Variants in FLNB observed in about 807,000 individuals in gnomAD.
FLNB encodes the protein filamin-B.
FLNB carries 111 observed loss-of-function variants against 250.6 expected under a neutral mutation model. That is an observed-to-expected ratio of 0.44 (90% CI 0.38 to 0.52). The LOEUF (loss-of-function observed/expected upper bound fraction) is 0.52, where lower values mean the gene tolerates loss of function less well. Among genes scored for constraint, FLNB ranks in the 20% least tolerant of loss-of-function variants. FLNB has a pLI of 0.00. For missense variants in FLNB, 2,869 were observed against 3,447.8 expected, an observed-to-expected ratio of 0.83 and a Z score of 4.20; for synonymous variants, 1,302 against 1,372.1, an observed-to-expected ratio of 0.95 and a Z score of 1.13.
chr3:58,079,743 C>G (rs1403966655), intron 3 of FLNB, among the ~76,000 whole-genome samples: 1 of 152,130 alleles, frequency 6.6e-6, no homozygotes, highest in Non-Finnish European at 1.5e-5. Context: ...GGAGGAAAAC[C>G]AGTGTTTTCT....
At position 58,169,109 on chromosome 3, in the gene FLNB, C is replaced by A; in HGVS notation, c.7417+451C>A. 3.6e-6 allele frequency: 1 copy of A among 275,242 alleles called. No individual in the cohort carries two copies. The highest frequency in any genetic ancestry group is 2.2e-5 in the African/African-American group (1 of 45,566). The allele number at this position is 275,242 out of a possible 1,614,324, so 17.0% of individuals were successfully genotyped here. On this transcript the variant is annotated intron_variant, in intron 44 of 45. Transcript: ENST00000295956. The surrounding 1 kb of genome is among the most constrained non-coding windows in gnomAD (Gnocchi z 4.8). ...ACCACCATAAACACTGTAGTAAATC[C>A]CTTCCACACGTCATGATTCACTGTT...
At position 58,109,176 on chromosome 3, in the gene FLNB, C is replaced by A. The variant is rs1203592358; in HGVS notation, c.2056-3C>A. 6.2e-7 allele frequency: 1 copy of A among 1,614,014 alleles called. No individual in the cohort carries two copies. Among genetic ancestry groups the A allele is most frequent in the African/African-American group, 1.3e-5 (1 of 74,920 alleles). ...TCTGGTCCTAGCTCTGGCTTTTTTG[C>A]AGGATGGGGAAGGCCAACGCATTGA... On this transcript the variant is annotated splice_region_variant and splice_polypyrimidine_tract_variant and intron_variant, in intron 13 of 45. Transcript: ENST00000295956.
chr3:58,032,682 A>G (rs1476595905), intron 1 of FLNB, among the ~76,000 whole-genome samples: 1 of 152,182 alleles, frequency 6.6e-6, no homozygotes, highest in Non-Finnish European at 1.5e-5. Context: ...AAGCAGGTCC[A>G]TTTTGTGGTT....
chr3:58,098,907 A>G lies in FLNB; in HGVS notation c.1344A>G (p.Glu448=). The change falls in exon 8 of 46, where the codon GAA becomes GAG. Residue 448 remains glutamate, a splice_region_variant and synonymous_variant. Transcript: ENST00000295956. The part of the protein sequence containing the change: ...PKSPFVVQVG[E]ACNPNACRAS... ...GTCCCTTCGTTGTGCAGGTTGGGGA[A>G]GGTGAGTGCTGGGCTGCTGGCCACA... 1 of 1,613,624 alleles carries G rather than the reference A, an allele frequency of 6.2e-7. No individual in the cohort carries two copies. Among genetic ancestry groups the G allele is most frequent in the Non-Finnish European group, 8.5e-7 (1 of 1,179,734 alleles).
rs1163662328 is a variant in FLNB at position 58,170,710 on chromosome 3, A to G, written c.7757A>G (p.Lys2586Arg). ...KERGDYVLAV[K>R]WGEEHIPGSP... ...AGGGGCGATTATGTGCTGGCTGTGA[A>G]GTGGGGGGAGGAACACATCCCTGGC... Residue 2586 changes from lysine to arginine, a missense_variant, in exon 46 of 46, where the codon AAG (lysine) becomes AGG (arginine). Lys to Arg is a conservative substitution (Grantham distance 26). This residue lies in a region of FLNB where 1,084 missense variants were observed against 1,315.5 expected (regional missense o/e 0.82). Coordinates refer to ENST00000295956, the MANE Select transcript of FLNB (RefSeq NM_001457.4). The G allele has an allele frequency of 3.7e-6, 6 of 1,614,056 alleles. No homozygotes were observed. The East Asian group carries it at 1.3e-4, about 36-fold the overall frequency.
intron 3 of FLNB, among the ~76,000 whole-genome samples, chr3:58,079,937 G>A (rs1208502745): frequency 6.6e-6 from 1 of 152,160 alleles, no homozygotes; most frequent in Non-Finnish European, 1.5e-5. Context: ...TGTTTCTTTG[G>A]TTTGGTTTTG....
intron 25 of FLNB, chr3:58,132,069 C>T: frequency 8.0e-7 from 1 of 1,247,394 alleles, no homozygotes; most frequent in Non-Finnish European, 1.1e-6. Context: ...ATGCTTCTTG[C>T]TGGCCTCACT....
intron 1 of FLNB, among the ~76,000 whole-genome samples, chr3:58,061,439 C>G (rs539431228): frequency 6.6e-6 from 1 of 151,964 alleles, no homozygotes; most frequent in Non-Finnish European, 1.5e-5. Context: ...ATAAAAGTAA[C>G]AGATGGGTAG....
At chr3:58,084,549 C>A (rs2097214220) in intron 4 of FLNB, among the ~76,000 whole-genome samples, 1 of 116,628 alleles carries the variant, frequency 8.6e-6, no homozygotes, top group African/African-American at 3.6e-5. Flanking sequence ...AGGAAACACA[C>A]CCTTTTAAAA....
chr3:58,171,031 G>A lies in FLNB; in HGVS notation c.*269G>A. ...CCAGAACTCTTGGTGGAACAGACCA[G>A]CCACTGCAGCAGACAGACCAGGAAC... On this transcript the variant is annotated 3_prime_UTR_variant, in exon 46 of 46. Transcript: ENST00000295956. This position sits in a 1 kb window ranked among gnomAD's most constrained non-coding sequence, Gnocchi z 5.5. The A allele has an allele frequency of 6.5e-6, 3 of 461,668 alleles. No individual in the cohort carries two copies. In the South Asian group the frequency reaches 6.8e-5, roughly 11 times the overall value. 28.6% of individuals were successfully genotyped at this position (461,668 alleles called of 1,614,324 possible).
At chr3:58,146,631 T>C in intron 33 of FLNB, 189 bp from the exon 34 acceptor site, 1 of 621,128 alleles carries the variant, frequency 1.6e-6, no homozygotes, top group Non-Finnish European at 2.9e-6. Context: ...TGGGGTTTCT[T>C]CTCAGTGGGT....
chr3:58,102,798 A>T (rs773809045), intron 9 of FLNB, among the ~76,000 whole-genome samples: 40 of 152,252 alleles, frequency 2.6e-4, no homozygotes, highest in Non-Finnish European at 4.4e-4. Flanking sequence ...GTACTTAATT[A>T]CTATGATCAG....
At chr3:58,126,491 TG>T in intron 23 of FLNB, 110 bp from the exon 24 acceptor site, 2 of 952,092 alleles carry the variant, frequency 2.1e-6, no homozygotes. Context: ...GTAATTGAGT[TG>T]GGGTGGCTAC....
chr3:58,119,250 G>T (rs1277709105), intron 19 of FLNB, among the ~76,000 whole-genome samples: 1 of 151,952 alleles, frequency 6.6e-6, no homozygotes, highest in Non-Finnish European at 1.5e-5. Flanking sequence ...ACACCCATGG[G>T]AATATTTTGA....
At position 58,123,549 on chromosome 3, in the gene FLNB, G is replaced by A. The variant is rs200993986; in HGVS notation, c.3583G>A (p.Val1195Met). Residue 1195 changes from valine to methionine, a missense_variant, in exon 21 of 46, where the codon GTG becomes ATG. Physicochemically the swap from Val to Met is conservative, Grantham distance 21. Coordinates refer to ENST00000295956, the MANE Select transcript of FLNB (RefSeq NM_001457.4). ...NKDGTYAVTY[V>M]PLTAGMYTLT... is the part of the protein sequence containing the mutation. The stretch of plus-strand genomic sequence containing the variant: ...AGATGGCACCTACGCGGTGACCTAC[G>A]TGCCCCTGACGGCCGGCATGTACAC... The A allele has an allele frequency of 2.5e-4, 403 of 1,608,290 alleles. 4 individuals carry two copies. The East Asian group carries it at 6.9e-3, about 28-fold the overall frequency.
chr3:58,168,761 T>C, intron 44 of FLNB, 103 bp downstream of exon 44: 1 of 850,664 alleles, frequency 1.2e-6, no homozygotes, highest in South Asian at 1.4e-5. Context: ...GTGTTAAAGC[T>C]ACTTTGAACT....
chr3:58,153,400 C>T lies in FLNB; in HGVS notation c.6393C>T (p.Ala2131=), dbSNP rs1397963459. The change falls in exon 39 of 46, where the codon GCC becomes GCT. Residue 2131 remains alanine (A), a synonymous_variant. Transcript: ENST00000295956. ...IPEINSSDMS[A]HVTSPSGRVT... is the part of the protein sequence containing the mutation. ...AAATCAACAGCAGTGATATGTCGGC[C>T]CACGTCACCAGCCCCTCTGGCCGTG... 1 of 1,614,242 alleles carries T rather than the reference C, an allele frequency of 6.2e-7. No homozygotes were observed.
intron 4 of FLNB, among the ~76,000 whole-genome samples, chr3:58,094,285 C>T (rs1303248021): frequency 2.0e-5 from 3 of 152,214 alleles, no homozygotes; most frequent in African/African-American, 7.2e-5. Context: ...CCAGGCTGGT[C>T]TTGAACGCCT....
intron 29 of FLNB, among the ~76,000 whole-genome samples, chr3:58,139,354 C>T (rs566449908): frequency 7.2e-5 from 11 of 152,178 alleles, no homozygotes; most frequent in Non-Finnish European, 1.5e-4. Context: ...TCCTTTGATA[C>T]TGTGGTCAGC....
Sources: gnomAD v4.1 joint callset for allele counts (sites outside exome capture counted in the v4.1 genomes callset) on GRCh38, gnomAD v4.1.1 for gene constraint, gnomAD v4.1.1 regional missense constraint, Gnocchi (gnomAD v3.1) non-coding constraint, MANE v1.5 for transcripts, NCBI Gene and HGNC (gene_info 2026-07-23, HGNC 2026-07-21) for gene names.